The following PDLIM5 variants were observed in gnomAD, a reference collection of about 807,000 sequenced individuals.
The protein encoded by PDLIM5 is PDZ and LIM domain protein 5.
A neutral mutation model predicts 64.2 loss-of-function variants in PDLIM5; 34 were observed. The observed-to-expected ratio is 0.53, with a 90% CI of 0.40 to 0.71. The LOEUF is 0.71. PDLIM5 is among the 30% of genes least tolerant of loss of function. The pLI is 0.00. For synonymous variants in PDLIM5, 253 were observed against 269.1 expected, an observed-to-expected ratio of 0.94 and a Z score of 0.59; for missense variants, 683 against 733.6, an observed-to-expected ratio of 0.93 and a Z score of 0.80.
At chr4:94,573,093 C>T (rs895105688) in intron 3 of PDLIM5, among the ~76,000 whole-genome samples, 3 of 152,172 alleles carry the variant, frequency 2.0e-5, no homozygotes, top group African/African-American at 7.2e-5. Context: ...TGATGTTTGT[C>T]ATTCCTCAGC....
chr4:94,584,824 C>T (rs12639887), intron 5 of PDLIM5: 236,172 of 547,660 alleles, frequency 0.43, 55,794 homozygotes, highest in South Asian at 0.66. Context: ...ATCTGTGTTT[C>T]GTATGGCATA....
At chr4:94,477,537 T>C (rs1377182877) in intron 2 of PDLIM5, among the ~76,000 whole-genome samples, 1 of 152,200 alleles carries the variant, frequency 6.6e-6, no homozygotes, top group Non-Finnish European at 1.5e-5. Context: ...TCTTTAAACG[T>C]TGAAACTTGG....
At chr4:94,503,370 A>G (rs1728102266) in intron 2 of PDLIM5, among the ~76,000 whole-genome samples, 1 of 152,220 alleles carries the variant, frequency 6.6e-6, no homozygotes. Flanking sequence ...TTATTACTGC[A>G]AGAGGATTTC....
At chr4:94,611,696 T>C (rs916929415) in intron 7 of PDLIM5, among the ~76,000 whole-genome samples, 1 of 152,200 alleles carries the variant, frequency 6.6e-6, no homozygotes, top group Admixed American at 6.5e-5. Context: ...TCTCCTAAGC[T>C]TAAGGATTAA....
chr4:94,621,507 G>T lies in PDLIM5; in HGVS notation c.1108+3316G>T, dbSNP rs148643178. Among the ~76,000 whole-genome samples the T allele has an allele frequency of 7.2e-4, 109 of 152,306 alleles. 1 individual carries two copies. The East Asian group carries it at 0.02, about 27-fold the overall frequency. Reference sequence around the variant, plus strand: ...AATGTTTTGTAAAAAGCAACGAAAAGACTAAATTTCTGAGGTAGAAACCGA... The same window carrying T: ...AATGTTTTGTAAAAAGCAACGAAAATACTAAATTTCTGAGGTAGAAACCGA... On this transcript the variant is annotated intron_variant, in intron 8 of 12. Coordinates refer to ENST00000317968, the MANE Select transcript of PDLIM5 (RefSeq NM_006457.5).
At chr4:94,485,131 C>T (rs1330487961) in intron 2 of PDLIM5, among the ~76,000 whole-genome samples, 1 of 152,132 alleles carries the variant, frequency 6.6e-6, no homozygotes, top group African/African-American at 2.4e-5. Context: ...GTCTTGAGAA[C>T]AGAGTCACAA....
rs904440904 is a variant in PDLIM5, at chr4:94,510,401, T to C, written c.97-13323T>C. 2.0e-5 allele frequency among the ~76,000 whole-genome samples: 3 copies of C among 152,218 alleles called. No homozygotes were observed. The East Asian group carries it at 5.8e-4, about 29-fold the overall frequency. On this transcript the variant is annotated intron_variant, in intron 2 of 12. Coordinates refer to ENST00000317968, the MANE Select transcript of PDLIM5 (RefSeq NM_006457.5). ...ATTCTTTGATGACATCCTAGATTTT[T>C]TTTGTCTGTCTTCATGTGTTTGGAA...
At chr4:94,567,272 G>A (rs114557173) in intron 3 of PDLIM5, among the ~76,000 whole-genome samples, 220 of 152,230 alleles carry the variant, frequency 1.4e-3, no homozygotes, top group African/African-American at 5.1e-3. Context: ...TGTTTTAAGG[G>A]CATTTTAGTA....
intron 3 of PDLIM5, among the ~76,000 whole-genome samples, chr4:94,538,263 T>A (rs1731483842): frequency 6.6e-6 from 1 of 150,632 alleles, no homozygotes; most frequent in Non-Finnish European, 1.5e-5. Context: ...AGTTTTTTAG[T>A]TGAATTACAA....
intron 8 of PDLIM5, among the ~76,000 whole-genome samples, chr4:94,635,938 G>A (rs1266404903): frequency 6.6e-6 from 1 of 152,234 alleles, no homozygotes; most frequent in Non-Finnish European, 1.5e-5. Flanking sequence ...TAGCAACACA[G>A]CAACAAATGG....
At chr4:94,623,223 A>AT (rs1739397651) in intron 8 of PDLIM5, among the ~76,000 whole-genome samples, 1 of 152,092 alleles carries the variant, frequency 6.6e-6, no homozygotes, top group Non-Finnish European at 1.5e-5. Flanking sequence ...TCTTAACAGA[A>AT]TTTTTGGTCC....
intron 5 of PDLIM5, among the ~76,000 whole-genome samples, chr4:94,580,501 T>C (rs1054757556): frequency 1.3e-5 from 2 of 152,172 alleles, no homozygotes; most frequent in Admixed American, 1.3e-4. Flanking sequence ...TAAATTTTTC[T>C]GGACGGAGAC....
chr4:94,455,939 T>G, intron 2 of PDLIM5: 2 of 1,495,936 alleles, frequency 1.3e-6, no homozygotes, highest in Non-Finnish European at 8.9e-7. Context: ...AGATTTGGCT[T>G]TTTACCTCAT....
At chr4:94,649,658 TA>T (rs770970367) in intron 9 of PDLIM5, among the ~76,000 whole-genome samples, 8 of 152,268 alleles carry the variant, frequency 5.3e-5, no homozygotes, top group African/African-American at 1.9e-4. Flanking sequence ...TTGCATTTAG[TA>T]AAGTCTTGCT....
intron 2 of PDLIM5, chr4:94,455,738 CTCTT>C: frequency 6.7e-7 from 1 of 1,481,842 alleles, no homozygotes; most frequent in South Asian, 1.2e-5. Flanking sequence ...TTTTAATAAT[CTCTT>C]TCAGTTCCAA....
chr4:94,634,569 T>G (rs1471521867), intron 8 of PDLIM5, among the ~76,000 whole-genome samples: 2 of 152,240 alleles, frequency 1.3e-5, no homozygotes, highest in Non-Finnish European at 2.9e-5. Flanking sequence ...ATAGTGTATG[T>G]CGGTAGTAAG....
At chr4:94,519,749 C>T (rs1350083105) in intron 2 of PDLIM5, among the ~76,000 whole-genome samples, 1 of 152,066 alleles carries the variant, frequency 6.6e-6, no homozygotes, top group Non-Finnish European at 1.5e-5. Flanking sequence ...AGAGGAGCTA[C>T]CTTCCTAAAA....
At chr4:94,569,729 G>A (rs1303084827) in intron 3 of PDLIM5, among the ~76,000 whole-genome samples, 1 of 152,158 alleles carries the variant, frequency 6.6e-6, no homozygotes, top group Non-Finnish European at 1.5e-5. Flanking sequence ...ATATGCGGTT[G>A]AGTGCCTGGC....
chr4:94,626,301 G>T (rs569674077), intron 8 of PDLIM5, among the ~76,000 whole-genome samples: 1 of 129,302 alleles, frequency 7.7e-6, no homozygotes, highest in East Asian at 2.3e-4. Flanking sequence ...ACTTTCAGTT[G>T]TAACAGATAT....
Sources: allele counts gnomAD v4.1 joint callset (sites outside exome capture counted in the v4.1 genomes callset), GRCh38; gene constraint gnomAD v4.1.1; transcripts MANE v1.5; gene names NCBI Gene and HGNC (gene_info 2026-07-23, HGNC 2026-07-21).